Variants in FAM135B observed in about 807,000 individuals in gnomAD.
The protein encoded by FAM135B is protein FAM135B.
In FAM135B, 43 loss-of-function variants were observed where a neutral mutation model predicts 127.7. The ratio of observed to expected loss-of-function variants is 0.34; its 90% CI spans 0.26 to 0.43. The LOEUF (loss-of-function observed/expected upper bound fraction) is 0.43, where lower values mean the gene tolerates loss of function less well. Among genes scored for constraint, FAM135B ranks in the 20% least tolerant of loss-of-function variants. The pLI is 1.00. For synonymous variants in FAM135B, 670 were observed against 665.1 expected, an observed-to-expected ratio of 1.01 and a Z score of -0.11; for missense variants, 1,558 against 1,725.6, an observed-to-expected ratio of 0.90 and a Z score of 1.72.
chr8:138,229,910 T>C (rs1032900574), intron 7 of FAM135B, among the ~76,000 whole-genome samples: 1 of 152,186 alleles, frequency 6.6e-6, no homozygotes, highest in South Asian at 2.1e-4. Context: ...GCCACCCTCA[T>C]GGTTCAATTA....
At chr8:138,405,762 A>T (rs1273384022) in intron 1 of FAM135B, among the ~76,000 whole-genome samples, 2 of 152,040 alleles carry the variant, frequency 1.3e-5, no homozygotes, top group African/African-American at 4.8e-5. Context: ...TGGTACTTCT[A>T]GTTCTAGATC....
chr8:138,311,895 G>T (rs1826710202), intron 2 of FAM135B, among the ~76,000 whole-genome samples: 1 of 152,182 alleles, frequency 6.6e-6, no homozygotes, highest in Admixed American at 6.5e-5. Flanking sequence ...TTCCAGCTGT[G>T]TGACTTTAAG....
At chr8:138,434,201 AAGC>A (rs1835345970) in intron 1 of FAM135B, among the ~76,000 whole-genome samples, 1 of 152,198 alleles carries the variant, frequency 6.6e-6, no homozygotes, top group Non-Finnish European at 1.5e-5. Context: ...CATATTTTAG[AAGC>A]AGATGTATAA....
At chr8:138,352,405 T>G (rs1829838773) in intron 2 of FAM135B, among the ~76,000 whole-genome samples, 1 of 152,238 alleles carries the variant, frequency 6.6e-6, no homozygotes, top group African/African-American at 2.4e-5. Flanking sequence ...AAACATCACC[T>G]TGTAAATATT....
At chr8:138,414,566 G>T (rs1212948609) in intron 1 of FAM135B, among the ~76,000 whole-genome samples, 2 of 152,142 alleles carry the variant, frequency 1.3e-5, no homozygotes, top group Non-Finnish European at 2.9e-5. Context: ...TAATGAGTAA[G>T]ATTTTAATTT....
At chr8:138,484,080 CA>C (rs1196720138) in intron 1 of FAM135B, among the ~76,000 whole-genome samples, 1 of 152,104 alleles carries the variant, frequency 6.6e-6, no homozygotes, top group African/African-American at 2.4e-5. Context: ...CTCATCTGAG[CA>C]AGCAGGGAGG....
intron 6 of FAM135B, among the ~76,000 whole-genome samples, chr8:138,249,866 G>C (rs913214382): frequency 6.6e-6 from 1 of 152,200 alleles, no homozygotes; most frequent in Non-Finnish European, 1.5e-5. Flanking sequence ...TTGCCCATGT[G>C]CATGTGTAAT....
At chr8:138,303,470 T>C (rs1826029197) in intron 3 of FAM135B, among the ~76,000 whole-genome samples, 1 of 151,940 alleles carries the variant, frequency 6.6e-6, no homozygotes, top group Non-Finnish European at 1.5e-5. Flanking sequence ...AGCATTAGGA[T>C]AAATACCTAA....
chr8:138,378,188 A>G (rs2131271528), intron 1 of FAM135B, among the ~76,000 whole-genome samples: 1 of 152,362 alleles, frequency 6.6e-6, no homozygotes, highest in South Asian at 2.1e-4. Context: ...AGACACAGAT[A>G]GGACCTGAGC....
intron 1 of FAM135B, among the ~76,000 whole-genome samples, chr8:138,486,142 T>G (rs1814976240): frequency 6.6e-6 from 1 of 151,924 alleles, no homozygotes; most frequent in Non-Finnish European, 1.5e-5. Context: ...GTTGCACTTT[T>G]GCTGGTCAGT....
At chr8:138,173,770 A>T (rs1586681800) in intron 11 of FAM135B, among the ~76,000 whole-genome samples, 1 of 152,232 alleles carries the variant, frequency 6.6e-6, no homozygotes, top group East Asian at 1.9e-4. Flanking sequence ...GTGATATCTC[A>T]TTACTATTGT....
intron 1 of FAM135B, among the ~76,000 whole-genome samples, chr8:138,370,667 G>T (rs1003564637): frequency 6.6e-6 from 1 of 152,086 alleles, no homozygotes; most frequent in Non-Finnish European, 1.5e-5. Flanking sequence ...AGCCAGGATG[G>T]TCTCGATCTC....
At chr8:138,472,886 G>A (rs1229768380) in intron 1 of FAM135B, among the ~76,000 whole-genome samples, 1 of 152,092 alleles carries the variant, frequency 6.6e-6, no homozygotes, top group Non-Finnish European at 1.5e-5. Flanking sequence ...ACCGCCTGAT[G>A]TCTCCCCTCA....
intron 2 of FAM135B, among the ~76,000 whole-genome samples, chr8:138,336,634 A>G (rs571424790): frequency 1.3e-3 from 201 of 152,192 alleles, no homozygotes; most frequent in African/African-American, 4.7e-3. Flanking sequence ...CAACCAAAAA[A>G]AGTCCAGGAC....
At chr8:138,373,319 T>C (rs1303065241) in intron 1 of FAM135B, among the ~76,000 whole-genome samples, 2 of 151,910 alleles carry the variant, frequency 1.3e-5, no homozygotes, top group Non-Finnish European at 2.9e-5. Flanking sequence ...CTGTCTTTAC[T>C]GCAATCTCTA....
intron 7 of FAM135B, among the ~76,000 whole-genome samples, chr8:138,212,912 A>C (rs1367537729): frequency 2.0e-5 from 3 of 152,226 alleles, no homozygotes; most frequent in Non-Finnish European, 4.4e-5. Flanking sequence ...CTTTACTTTT[A>C]TAATGTGGCT....
At chr8:138,337,463 AGC>A (rs1828691007) in intron 2 of FAM135B, among the ~76,000 whole-genome samples, 1 of 151,640 alleles carries the variant, frequency 6.6e-6, no homozygotes, top group Non-Finnish European at 1.5e-5. Flanking sequence ...ATACACCAAT[AGC>A]AGACAAACAG....
intron 1 of FAM135B, among the ~76,000 whole-genome samples, chr8:138,496,167 C>T (rs1348268638): frequency 6.6e-6 from 1 of 152,178 alleles, no homozygotes; most frequent in Non-Finnish European, 1.5e-5. Context: ...GCTGGCTCTA[C>T]AGATCAAGAG....
chr8:138,371,808 A>T (rs892292870), intron 1 of FAM135B, among the ~76,000 whole-genome samples: 1 of 152,202 alleles, frequency 6.6e-6, no homozygotes, highest in Non-Finnish European at 1.5e-5. Context: ...ACTTCCTACT[A>T]CAACCAGTGC....
Sources: gnomAD v4.1 joint callset for allele counts (sites outside exome capture counted in the v4.1 genomes callset) on GRCh38, gnomAD v4.1.1 for gene constraint, MANE v1.5 for transcripts, NCBI Gene and HGNC (gene_info 2026-07-23, HGNC 2026-07-21) for gene names.